Variants in ANK3 observed in about 807,000 individuals in gnomAD.
ANK3 encodes ankyrin-3.
In ANK3, 57 loss-of-function variants were observed where a neutral mutation model predicts 370.9. The observed-to-expected ratio is 0.15, with a 90% CI of 0.12 to 0.19. The LOEUF (loss-of-function observed/expected upper bound fraction) is 0.19. Among genes scored for constraint, ANK3 ranks in the 10% least tolerant of loss-of-function variants. The probability of loss-of-function intolerance (pLI) is 1.00; values close to 1 mark genes in which losing one functional copy is unlikely to be tolerated. For missense variants in ANK3, 4,439 were observed against 5,302.1 expected, an observed-to-expected ratio of 0.84 and a Z score of 5.06; for synonymous variants, 1,929 against 1,946.3, an observed-to-expected ratio of 0.99 and a Z score of 0.23.
At chr10:60,731,858 A>C (rs1419465926) in intron 1 of ANK3, among the ~76,000 whole-genome samples, 1 of 152,158 alleles carries the variant, frequency 6.6e-6, no homozygotes, top group African/African-American at 2.4e-5. Flanking sequence ...AATAAGAGAA[A>C]GTGACCTCTT....
chr10:60,469,669 ATATATATATATG>A (rs1307533884), intron 2 of ANK3, among the ~76,000 whole-genome samples: 9 of 98,180 alleles, frequency 9.2e-5, no homozygotes, highest in East Asian at 8.8e-4. Flanking sequence ...GTATATATAT[ATATATATATATG>A]GTGGTATATA....
At chr10:60,294,107 T>A (rs1054550205) in intron 1 of ANK3, among the ~76,000 whole-genome samples, 1 of 152,154 alleles carries the variant, frequency 6.6e-6, no homozygotes, top group Non-Finnish European at 1.5e-5. Flanking sequence ...AAAACTGGTC[T>A]AGGTAGCAGA....
chr10:60,490,580 C>T (rs2075470760), intron 2 of ANK3, among the ~76,000 whole-genome samples: 1 of 152,144 alleles, frequency 6.6e-6, no homozygotes, highest in African/African-American at 2.4e-5. Context: ...TAAAGCTAGT[C>T]CCTCCACCTG....
At position 60,075,618 on chromosome 10, in the gene ANK3, C is replaced by G; in HGVS notation, c.5263G>C (p.Val1755Leu). Reference sequence around the variant, plus strand: ...ACTGTGTCAGTGGCTGCACTGACCACAGAGCTCACAGAGTTTGTAGCAGAA... The same window carrying G: ...ACTGTGTCAGTGGCTGCACTGACCAGAGAGCTCACAGAGTTTGTAGCAGAA... ...ISSATNSVSS[V>L]VSAATDTVEK... is the part of the protein sequence containing the mutation. The change falls in exon 37 of 44, where the codon GTG (valine) becomes CTG (leucine). Residue 1755 changes from valine to leucine, a missense_variant. Transcript: ENST00000280772. 1 of 1,614,090 alleles carries G rather than the reference C, an allele frequency of 6.2e-7. No homozygotes were observed. The highest frequency in any genetic ancestry group is 8.5e-7 in the Non-Finnish European group (1 of 1,180,000).
chr10:60,670,441 T>A (rs919767265), intron 1 of ANK3, among the ~76,000 whole-genome samples: 1 of 152,060 alleles, frequency 6.6e-6, no homozygotes, highest in Non-Finnish European at 1.5e-5. Context: ...CTGAGCTGGG[T>A]TATATATCCC....
rs111738931 is a variant in ANK3 at position 60,617,035 on chromosome 10, A to G, written c.58-1811T>C. On this transcript the variant is annotated intron_variant, in intron 1 of 43. Coordinates refer to the ANK3 transcript ENST00000373827. ...TTGTGGGTTTCTATTGATTTATAAG[A>G]GCTCTTTAGAAATAAGGCTATTAAT... 9.4e-4 allele frequency among the ~76,000 whole-genome samples: 143 copies of G among 152,168 alleles called. 1 individual carries two copies. The highest frequency in any genetic ancestry group is 6.8e-3 in the Middle Eastern group (2 of 294).
chr10:60,210,746 G>C (rs563050873), intron 9 of ANK3, among the ~76,000 whole-genome samples: 1 of 152,264 alleles, frequency 6.6e-6, no homozygotes, highest in Admixed American at 6.5e-5. Flanking sequence ...AACCAGATGA[G>C]GGTTGTCTCC....
intron 1 of ANK3, among the ~76,000 whole-genome samples, chr10:60,677,639 G>C (rs2079142602): frequency 6.6e-6 from 1 of 151,984 alleles, no homozygotes; most frequent in Non-Finnish European, 1.5e-5. Flanking sequence ...GGTTATGGAA[G>C]ATTTAAAATT....
chr10:60,352,621 G>A (rs1409996057), intron 1 of ANK3, among the ~76,000 whole-genome samples: 2 of 152,072 alleles, frequency 1.3e-5, no homozygotes, highest in African/African-American at 2.4e-5. Flanking sequence ...TTCCTATGAT[G>A]TTCTTCAGAA....
chr10:60,726,043 A>T (rs2079935966), intron 1 of ANK3, among the ~76,000 whole-genome samples: 1 of 152,210 alleles, frequency 6.6e-6, no homozygotes, highest in African/African-American at 2.4e-5. Context: ...GTATGCCTTG[A>T]ATTTTGTAAT....
chr10:60,611,280 G>A (rs2078197998), intron 2 of ANK3, among the ~76,000 whole-genome samples: 1 of 152,090 alleles, frequency 6.6e-6, no homozygotes, highest in Admixed American at 6.6e-5. Context: ...CTTCAAGAAG[G>A]GCTCACTTGA....
At position 60,075,495 on chromosome 10, in the gene ANK3, A is replaced by C; in HGVS notation, c.5386T>G (p.Ser1796Ala). 1 of 1,613,344 alleles carries C rather than the reference A, an allele frequency of 6.2e-7. No individual in the cohort carries two copies. Among genetic ancestry groups the C allele is most frequent in the Non-Finnish European group, 8.5e-7 (1 of 1,179,994 alleles). Residue 1796 changes from serine to alanine, a missense_variant, in exon 37 of 44, where the codon TCC becomes GCC. Physicochemically the swap from Ser to Ala is moderately conservative, Grantham distance 99 (BLOSUM62 1). This residue lies in a region of ANK3 where 679 missense variants were observed against 791.0 expected (regional missense o/e 0.86). Transcript: ENST00000280772. ...PSAFQSLRTP[S>A]ASALYTSLGS... is the part of the protein sequence containing the mutation. The stretch of plus-strand genomic sequence containing the variant: ...AGGGATGTATAGAGTGCACTTGCGG[A>C]AGGAGTTCTTAGAGACTGAAAAGCT...
In ANK3 at chr10:60,485,142, C is replaced by T. The variant is rs199970561; in HGVS notation, c.96+130044G>A. On this transcript the variant is annotated intron_variant, in intron 2 of 43. Coordinates refer to the ANK3 transcript ENST00000373827. ...CTCTTGCTAACTCAAGCAAGTCACTCAACACTCGAGTCGGTTTCATCATCT... is the reference window on the plus strand; with the variant it reads ...CTCTTGCTAACTCAAGCAAGTCACTTAACACTCGAGTCGGTTTCATCATCT... 3.3e-5 allele frequency among the ~76,000 whole-genome samples: 5 copies of T among 152,294 alleles called. No individual in the cohort carries two copies. The East Asian group carries it at 9.7e-4, about 29-fold the overall frequency.
Position 60,086,925 on chromosome 10 carries a change from T to C in ANK3, c.3541-41A>G, listed in dbSNP as rs2086823573. The C allele has an allele frequency of 9.8e-6, 14 of 1,421,360 alleles. No individual in the cohort carries two copies. In the East Asian group the frequency reaches 3.5e-4, roughly 36 times the overall value. The allele number at this position is 1,421,360 out of a possible 1,614,324, so 88.0% of individuals were successfully genotyped here. A position where few individuals can be genotyped will look rare whatever the true frequency, so the allele number is the denominator to read the frequency against. On this transcript the variant is annotated intron_variant, in intron 29 of 43. Coordinates refer to ENST00000280772, the MANE Select transcript of ANK3 (RefSeq NM_020987.5). Reference sequence around the variant, plus strand: ...GGACTTTAAATGAAAGTGACTTTTTTTTTTTTTTTTCCCAATCATGAAGTT... The same window carrying C: ...GGACTTTAAATGAAAGTGACTTTTTCTTTTTTTTTTCCCAATCATGAAGTT...
chr10:60,290,177 C>G (rs1225758375), intron 1 of ANK3, among the ~76,000 whole-genome samples: 3 of 152,174 alleles, frequency 2.0e-5, no homozygotes, highest in African/African-American at 7.2e-5. Flanking sequence ...GACATTCATA[C>G]TATAATCTGC....
At chr10:60,093,386 A>T (rs899410073) in intron 28 of ANK3, among the ~76,000 whole-genome samples, 1 of 152,254 alleles carries the variant, frequency 6.6e-6, no homozygotes, top group Non-Finnish European at 1.5e-5. Flanking sequence ...AAGAAGACAG[A>T]TCATGAAATT....
intron 1 of ANK3, among the ~76,000 whole-genome samples, chr10:60,292,363 A>G (rs986259903): frequency 2.1e-5 from 3 of 144,498 alleles, no homozygotes; most frequent in Non-Finnish European, 1.5e-5. Context: ...CTTGCTCTGG[A>G]AAAAAAAAAA....
chr10:60,100,965 T>G (rs1314259290), intron 28 of ANK3, among the ~76,000 whole-genome samples: 1 of 152,208 alleles, frequency 6.6e-6, no homozygotes, highest in African/African-American at 2.4e-5. Flanking sequence ...TTATTTGTTT[T>G]TTAGAGATGG....
intron 42 of ANK3, chr10:60,043,083 C>G (rs1333671558): frequency 1.9e-6 from 2 of 1,061,572 alleles, no homozygotes; most frequent in African/African-American, 3.4e-5. Context: ...CACAAGGCAG[C>G]AGAATTGTAA....
Sources: allele counts gnomAD v4.1 joint callset (sites outside exome capture counted in the v4.1 genomes callset), GRCh38; gene constraint gnomAD v4.1.1; regional missense constraint gnomAD v4.1.1; transcripts MANE v1.5; gene names NCBI Gene and HGNC (gene_info 2026-07-23, HGNC 2026-07-21).